The following GALNT13 variants were observed in gnomAD, a reference collection of about 807,000 sequenced individuals.
The protein encoded by GALNT13 is UDP-GalNAc:polypeptide N-acetylgalactosaminyltransferase 13.
In GALNT13, 28 loss-of-function variants were observed where a neutral mutation model predicts 64.2. That is an observed-to-expected ratio of 0.44 (90% CI 0.32 to 0.60). The LOEUF (loss-of-function observed/expected upper bound fraction) is 0.60, where lower values mean the gene tolerates loss of function less well. Ranked by LOEUF, GALNT13 falls within the 20% of genes least tolerant of loss-of-function variation. The probability of loss-of-function intolerance (pLI) is 0.05; values close to 1 mark genes in which losing one functional copy is unlikely to be tolerated. For missense variants in GALNT13, 577 were observed against 669.8 expected (o/e 0.86, Z 1.53); for synonymous variants, 214 against 224.6 (o/e 0.95, Z 0.42).
At chr2:154,192,982 A>G (rs1686679721) in intron 4 of GALNT13, among the ~76,000 whole-genome samples, 1 of 152,202 alleles carries the variant, frequency 6.6e-6, no homozygotes, top group African/African-American at 2.4e-5. Context: ...TTGAGTAAAA[A>G]GCTATTGAAA....
In GALNT13 at chr2:154,396,342, A is replaced by G. The variant is rs145287699; in HGVS notation, c.1296+212A>G. On this transcript the variant is annotated intron_variant, in intron 10 of 12. Transcript: ENST00000392825. ...AATTTTAACATTGAACAAAAAAAAA[A>G]TTTTTTTAACAGTTCTAAAGCTTTT... 3.7e-3 allele frequency among the ~76,000 whole-genome samples: 559 copies of G among 152,114 alleles called. 10 individuals carry two copies. Among genetic ancestry groups the G allele is most frequent in the African/African-American group, 0.013 (532 of 41,512 alleles).
At chr2:153,568,664 T>C in the GALNT13 span, among the ~76,000 whole-genome samples, 2 of 152,164 alleles carry the variant, frequency 1.3e-5, no homozygotes, top group Non-Finnish European at 2.9e-5. Context: ...AGTGCAAATA[T>C]CACAAGTGTA....
intron 3 of GALNT13, among the ~76,000 whole-genome samples, chr2:154,079,538 G>T (rs1701163723): frequency 6.6e-6 from 1 of 151,560 alleles, no homozygotes; most frequent in African/African-American, 2.4e-5. Context: ...CAGGCACCTT[G>T]GAGGTCAAGT....
the GALNT13 span, among the ~76,000 whole-genome samples, chr2:153,540,855 AAAGT>A: frequency 1.3e-5 from 2 of 152,200 alleles, no homozygotes; most frequent in African/African-American, 4.8e-5. Context: ...TTGTATCTAG[AAAGT>A]AAGTAACTTG....
chr2:153,818,809 G>A, the GALNT13 span, among the ~76,000 whole-genome samples: 1 of 152,076 alleles, frequency 6.6e-6, no homozygotes, highest in Non-Finnish European at 1.5e-5. Flanking sequence ...CATTTTACCT[G>A]CATCCCAGAG....
chr2:153,348,959 A>G, the GALNT13 span, among the ~76,000 whole-genome samples: 2 of 152,224 alleles, frequency 1.3e-5, no homozygotes, highest in African/African-American at 4.8e-5. Flanking sequence ...TATTGCTCCA[A>G]TAAATGTATT....
the GALNT13 span, among the ~76,000 whole-genome samples, chr2:153,836,266 G>T: frequency 6.6e-6 from 1 of 151,902 alleles, no homozygotes; most frequent in Non-Finnish European, 1.5e-5. Context: ...CCTATATATT[G>T]TATAATAGTT....
chr2:153,973,457 C>T (rs1693872429), intron 3 of GALNT13, among the ~76,000 whole-genome samples: 1 of 151,984 alleles, frequency 6.6e-6, no homozygotes. Flanking sequence ...ACTAGCAACT[C>T]ACTGAAGATT....
At chr2:153,600,800 C>A in the GALNT13 span, among the ~76,000 whole-genome samples, 1 of 151,986 alleles carries the variant, frequency 6.6e-6, no homozygotes, top group African/African-American at 2.4e-5. Context: ...TTGCTGAAAT[C>A]ATTTTCTGTG....
chr2:153,123,331 G>A, the GALNT13 span, among the ~76,000 whole-genome samples: 1 of 152,254 alleles, frequency 6.6e-6, no homozygotes, highest in Non-Finnish European at 1.5e-5. Flanking sequence ...CTTGGCTTGT[G>A]GTACTTCTAG....
rs1558970053 is a variant in GALNT13, at chr2:154,121,941, C to A, written c.143-18396C>A. On this transcript the variant is annotated intron_variant, in intron 3 of 12. Transcript: ENST00000392825. ...CTTGATTCCAATCTTGTGGAGGAAACCTTCTAGTCTTTTAATGTTCATTTT... is the reference window on the plus strand; with the variant it reads ...CTTGATTCCAATCTTGTGGAGGAAAACTTCTAGTCTTTTAATGTTCATTTT... Among the ~76,000 whole-genome samples the A allele has an allele frequency of 2.0e-5, 3 of 152,078 alleles. No individual in the cohort carries two copies. The East Asian group carries it at 5.8e-4, about 29-fold the overall frequency.
At chr2:153,322,535 G>A in the GALNT13 span, among the ~76,000 whole-genome samples, 25 of 152,138 alleles carry the variant, frequency 1.6e-4, no homozygotes, top group Admixed American at 1.2e-3. Context: ...TAAGTTCTGG[G>A]ATATATGTGC....
At chr2:153,356,789 C>CTTTTTTTTTTTTTT in the GALNT13 span, among the ~76,000 whole-genome samples, 4 of 104,904 alleles carry the variant, frequency 3.8e-5, 2 homozygotes, top group African/African-American at 8.8e-5. Context: ...TCTTCTTCCT[C>CTTTTTTTTTTTTTT]TTTTTTTTTT....
chr2:154,439,195 C>A (rs899028502), intron 12 of GALNT13, among the ~76,000 whole-genome samples: 1 of 152,054 alleles, frequency 6.6e-6, no homozygotes, highest in Non-Finnish European at 1.5e-5. Context: ...AAATATTTTG[C>A]AGAATTCAGT....
the GALNT13 span, among the ~76,000 whole-genome samples, chr2:153,299,510 A>G: frequency 6.6e-6 from 1 of 152,272 alleles, no homozygotes; most frequent in Non-Finnish European, 1.5e-5. Context: ...GAATCTTCAC[A>G]GCCAAGGCTA....
At chr2:154,204,193 C>T (rs1573870114) in intron 4 of GALNT13, among the ~76,000 whole-genome samples, 1 of 152,140 alleles carries the variant, frequency 6.6e-6, no homozygotes, top group African/African-American at 2.4e-5. Flanking sequence ...CATCAACCAT[C>T]GTTCACTGAT....
chr2:153,531,917 G>A, the GALNT13 span, among the ~76,000 whole-genome samples: 4 of 152,146 alleles, frequency 2.6e-5, no homozygotes, highest in Admixed American at 2.6e-4. Context: ...GATAAAAAGG[G>A]TGGGCTCACG....
intron 3 of GALNT13, among the ~76,000 whole-genome samples, chr2:153,961,901 TCTTCATCACCTAAAA>T (rs1692972309): frequency 6.6e-6 from 1 of 152,194 alleles, no homozygotes; most frequent in Non-Finnish European, 1.5e-5. Flanking sequence ...TCCACTTCTA[TCTTCATCACCTAAAA>T]CAGTGCCTGG....
chr2:153,135,070 C>G, the GALNT13 span, among the ~76,000 whole-genome samples: 4 of 152,066 alleles, frequency 2.6e-5, no homozygotes, highest in South Asian at 2.1e-4. Context: ...TCCTGCTGTT[C>G]TGGAGACTGA....
Sources: allele counts gnomAD v4.1 joint callset (sites outside exome capture counted in the v4.1 genomes callset), GRCh38; gene constraint gnomAD v4.1.1; transcripts MANE v1.5; gene names NCBI Gene and HGNC (gene_info 2026-07-23, HGNC 2026-07-21).